The following BICRAL variants were observed in gnomAD, a reference collection of about 807,000 sequenced individuals.
BICRAL encodes BRD4-interacting chromatin-remodeling complex-associated protein-like.
BICRAL carries 8 observed loss-of-function variants against 91.8 expected under a neutral mutation model. That is an observed-to-expected ratio of 0.09 (90% confidence interval 0.05 to 0.16). BICRAL has a LOEUF of 0.16. BICRAL is among the 10% of genes least tolerant of loss of function. The probability of loss-of-function intolerance (pLI) is 1.00; values close to 1 mark genes in which losing one functional copy is unlikely to be tolerated. For synonymous variants in BICRAL, 445 were observed against 491.1 expected (o/e 0.91, Z 1.24); for missense variants, 1,038 against 1,310.9 (o/e 0.79, Z 3.21).
At chr6:42,850,817 C>T (rs1349850911) in intron 6 of BICRAL, among the ~76,000 whole-genome samples, 3 of 151,772 alleles carry the variant, frequency 2.0e-5, no homozygotes, top group Non-Finnish European at 4.4e-5. Context: ...TGCAGTGAGC[C>T]GAGATTGCAC....
intron 1 of BICRAL, among the ~76,000 whole-genome samples, chr6:42,810,006 C>T (rs988855726): frequency 2.0e-5 from 3 of 152,030 alleles, no homozygotes; most frequent in African/African-American, 7.2e-5. Flanking sequence ...AGACTTGTCT[C>T]GAACTCCTGA....
chr6:42,803,856 T>C lies in BICRAL; in HGVS notation c.-101-6450T>C, dbSNP rs76707849. 1.9e-3 allele frequency among the ~76,000 whole-genome samples: 290 copies of C among 152,344 alleles called. 8 individuals carry two copies. In the East Asian group the frequency reaches 0.046, roughly 24 times the overall value. On this transcript the variant is annotated intron_variant, in intron 1 of 12. Coordinates refer to ENST00000314073, the MANE Select transcript of BICRAL (RefSeq NM_001393499.1). Reference sequence around the variant, plus strand: ...TCTAGCCTACTGCAGACCCAAGCTATATGGTATAGCCTATTGTTCCCAGGC... The same window carrying C: ...TCTAGCCTACTGCAGACCCAAGCTACATGGTATAGCCTATTGTTCCCAGGC...
intron 6 of BICRAL, among the ~76,000 whole-genome samples, chr6:42,838,351 G>T (rs1394806558): frequency 6.6e-6 from 1 of 152,170 alleles, no homozygotes; most frequent in African/African-American, 2.4e-5. Flanking sequence ...CTGGAAGTAT[G>T]TTTCCTCATG....
intron 1 of BICRAL, among the ~76,000 whole-genome samples, chr6:42,785,715 G>A (rs1319068346): frequency 6.6e-6 from 1 of 152,212 alleles, no homozygotes; most frequent in Non-Finnish European, 1.5e-5. Context: ...GTTTTGGGAA[G>A]TAGGATAGTC....
intron 1 of BICRAL, among the ~76,000 whole-genome samples, chr6:42,795,506 A>G (rs1319717251): frequency 1.3e-5 from 2 of 152,198 alleles, no homozygotes; most frequent in Non-Finnish European, 2.9e-5. Flanking sequence ...TCTGTCATAT[A>G]TTACCTAAAT....
intron 1 of BICRAL, among the ~76,000 whole-genome samples, chr6:42,797,428 C>G (rs1469664533): frequency 2.0e-5 from 3 of 151,700 alleles, no homozygotes; most frequent in Non-Finnish European, 2.9e-5. Context: ...AGTGATTTGA[C>G]TTAAAAAGGA....
chr6:42,806,687 A>G (rs571754984), intron 1 of BICRAL, among the ~76,000 whole-genome samples: 2 of 148,656 alleles, frequency 1.3e-5, no homozygotes, highest in Admixed American at 6.7e-5. Flanking sequence ...TAATTTTTAT[A>G]TTTTTTTAGT....
At chr6:42,782,903 T>C (rs1190614975) in intron 1 of BICRAL, among the ~76,000 whole-genome samples, 2 of 151,758 alleles carry the variant, frequency 1.3e-5, no homozygotes, top group African/African-American at 2.4e-5. Context: ...CCTCGTTTCT[T>C]TTCTCTCTCG....
chr6:42,818,644 A>G (rs1413954306), intron 2 of BICRAL, among the ~76,000 whole-genome samples: 1 of 151,656 alleles, frequency 6.6e-6, no homozygotes, highest in African/African-American at 2.4e-5. Context: ...TCCTCACTCC[A>G]AGATTGTTAA....
chr6:42,783,120 G>C (rs1762975772), intron 1 of BICRAL, among the ~76,000 whole-genome samples: 1 of 149,482 alleles, frequency 6.7e-6, no homozygotes, highest in South Asian at 2.1e-4. Flanking sequence ...GGGCAGGCGA[G>C]TCGCCCCGGC....
chr6:42,761,395 G>A (rs1286445499), intron 1 of BICRAL, among the ~76,000 whole-genome samples: 1 of 152,216 alleles, frequency 6.6e-6, no homozygotes, highest in Non-Finnish European at 1.5e-5. Flanking sequence ...GTTGCAGTGA[G>A]CTGAGGTTGC....
intron 1 of BICRAL, among the ~76,000 whole-genome samples, chr6:42,764,805 G>A (rs1582802912): frequency 1.3e-5 from 2 of 152,096 alleles, no homozygotes; most frequent in South Asian, 2.1e-4. Flanking sequence ...TACTACAGGC[G>A]TGTGCCACCA....
At chr6:42,860,226 G>A in intron 10 of BICRAL, 36 bp from the exon 11 acceptor site, 1 of 1,151,812 alleles carries the variant, frequency 8.7e-7, no homozygotes, top group African/African-American at 1.5e-5. Flanking sequence ...GTGATTTACA[G>A]TCTCTCACTA....
At chr6:42,825,795 A>C (rs1479513457) in intron 5 of BICRAL, among the ~76,000 whole-genome samples, 1 of 149,684 alleles carries the variant, frequency 6.7e-6, no homozygotes, top group South Asian at 2.1e-4. Flanking sequence ...GGTTCTATTA[A>C]GATACATATT....
chr6:42,865,250 T>C lies in BICRAL; in HGVS notation c.3044T>C (p.Leu1015Ser), dbSNP rs763090601. ...TTGGAAACCACATTTAAGAACATCT[T>C]GGAACTCAAAAAGGCGGGACGGCAG... ...KSLETTFKNI[L>S]ELKKAGRQPQ... The change falls in exon 13 of 13, where the codon TTG becomes TCG. Residue 1015 changes from leucine to serine, a missense_variant. Physicochemically the swap from Leu to Ser is moderately radical, Grantham distance 145. Coordinates refer to ENST00000314073, the MANE Select transcript of BICRAL (RefSeq NM_001393499.1). The C allele has an allele frequency of 6.2e-7, 1 of 1,614,084 alleles. No homozygotes were observed. The highest frequency in any genetic ancestry group is 8.5e-7 in the Non-Finnish European group (1 of 1,179,992).
chr6:42,810,310 A>G lies in BICRAL; in HGVS notation c.-97A>G, dbSNP rs973541027. ...TATTGTCATGTTTTCTTCTAGCAAA[A>G]CGTCATATTATTTCACAAAAAGCCC... is the stretch of plus-strand genomic sequence containing the variant. On this transcript the variant is annotated 5_prime_UTR_variant, in exon 2 of 13. Coordinates refer to ENST00000314073, the MANE Select transcript of BICRAL (RefSeq NM_001393499.1). 2.0e-5 allele frequency: 3 copies of G among 152,140 alleles called. No individual in the cohort carries two copies. The highest frequency in any genetic ancestry group is 6.6e-5 in the Admixed American group (1 of 15,252). 9.4% of individuals were successfully genotyped at this position (152,140 alleles called of 1,614,324 possible).
Position 42,805,934 on chromosome 6 carries a change from A to C in BICRAL, c.-101-4372A>C, listed in dbSNP as rs561122254. 3.7e-4 allele frequency among the ~76,000 whole-genome samples: 56 copies of C among 152,030 alleles called. 1 individual carries two copies. The South Asian group carries it at 6.9e-3, about 19-fold the overall frequency. ...GGAGAATGGCGTGAACCCAGGAGGC[A>C]GAGTGTGCAGTGAGTCGAGATCATG... On this transcript the variant is annotated intron_variant, in intron 1 of 12. Coordinates refer to ENST00000314073, the MANE Select transcript of BICRAL (RefSeq NM_001393499.1).
intron 8 of BICRAL, among the ~76,000 whole-genome samples, chr6:42,854,414 G>A (rs1477855564): frequency 6.6e-6 from 1 of 152,052 alleles, no homozygotes; most frequent in African/African-American, 2.4e-5. Flanking sequence ...AAACTCCTGG[G>A]CCCAAGCCAT....
chr6:42,814,517 A>T (rs1276554218), intron 2 of BICRAL, among the ~76,000 whole-genome samples: 6 of 90,658 alleles, frequency 6.6e-5, no homozygotes, highest in African/African-American at 1.9e-4. Context: ...ATATATATAT[A>T]TATTTTTTTT....
Sources: allele counts gnomAD v4.1 joint callset (sites outside exome capture counted in the v4.1 genomes callset), GRCh38; gene constraint gnomAD v4.1.1; transcripts MANE v1.5; gene names NCBI Gene and HGNC (gene_info 2026-07-23, HGNC 2026-07-21).